The following CFAP299 variants were observed in gnomAD, a reference collection of about 807,000 sequenced individuals.
CFAP299 encodes cilia- and flagella-associated protein 299.
In CFAP299, 21 loss-of-function variants were observed where a neutral mutation model predicts 27.0. That is an observed-to-expected ratio of 0.78 (90% confidence interval 0.55 to 1.12). CFAP299 has a LOEUF of 1.12. CFAP299 is among the 50% of genes most tolerant of loss of function. CFAP299 has a pLI of 0.00. For synonymous variants in CFAP299, 104 were observed against 98.1 expected (o/e 1.06, Z -0.36); for missense variants, 310 against 276.6 (o/e 1.12, Z -0.86).
intron 2 of CFAP299, among the ~76,000 whole-genome samples, chr4:80,555,718 A>T (rs1389965177): frequency 6.6e-6 from 1 of 151,998 alleles, no homozygotes; most frequent in African/African-American, 2.4e-5. Flanking sequence ...TTCCTTGTTC[A>T]GTCTTGGGAG....
At chr4:80,918,702 T>C (rs138236744) in intron 4 of CFAP299, among the ~76,000 whole-genome samples, 7 of 152,158 alleles carry the variant, frequency 4.6e-5, no homozygotes, top group African/African-American at 1.7e-4. Context: ...CCAACTCTAA[T>C]GGTGAGAGGG....
intron 4 of CFAP299, among the ~76,000 whole-genome samples, chr4:80,880,587 G>A (rs931950703): frequency 2.6e-5 from 4 of 152,032 alleles, no homozygotes; most frequent in African/African-American, 7.2e-5. Flanking sequence ...TTAGCCAGAT[G>A]TGGTGGTGGG....
intron 4 of CFAP299, among the ~76,000 whole-genome samples, chr4:80,875,761 C>A (rs1172772159): frequency 6.6e-6 from 1 of 151,808 alleles, no homozygotes; most frequent in Non-Finnish European, 1.5e-5. Context: ...TAGATTAACA[C>A]AGACTTCACT....
At chr4:80,895,730 T>C (rs1033099382) in intron 4 of CFAP299, among the ~76,000 whole-genome samples, 1 of 152,024 alleles carries the variant, frequency 6.6e-6, no homozygotes, top group African/African-American at 2.4e-5. Context: ...ATCTAAAGAT[T>C]AAAATGAGCT....
intron 2 of CFAP299, among the ~76,000 whole-genome samples, chr4:80,580,015 T>C (rs529644458): frequency 1.3e-5 from 2 of 152,180 alleles, no homozygotes; most frequent in East Asian, 3.9e-4. Flanking sequence ...CTCTTAGGAA[T>C]TCTGTAGTAC....
rs2110167956 is a variant in CFAP299, at chr4:80,870,153, T to C, written c.476+18T>C. The C allele has an allele frequency of 6.3e-7, 1 of 1,588,786 alleles. No homozygotes were observed. The highest frequency in any genetic ancestry group is 8.6e-7 in the Non-Finnish European group (1 of 1,167,536). ...GATATAAGGTAAATTACATACAATT[T>C]TTGCACCCTTAGAGGCAGGGACAAA... On this transcript the variant is annotated intron_variant, in intron 4 of 5. Coordinates refer to ENST00000358105, the MANE Select transcript of CFAP299 (RefSeq NM_152770.3).
chr4:80,768,766 T>C (rs1426670717), intron 3 of CFAP299, among the ~76,000 whole-genome samples: 1 of 152,192 alleles, frequency 6.6e-6, no homozygotes, highest in Non-Finnish European at 1.5e-5. Context: ...AATAGGCGAT[T>C]GGCAAATTTG....
chr4:80,430,660 C>T (rs181355553), intron 2 of CFAP299, among the ~76,000 whole-genome samples: 141 of 152,214 alleles, frequency 9.3e-4, no homozygotes, highest in African/African-American at 3.2e-3. Context: ...CAGTTTACTC[C>T]ACTCCTCCTC....
At chr4:80,558,358 G>GTTTTT (rs1174909337) in intron 2 of CFAP299, among the ~76,000 whole-genome samples, 4 of 121,680 alleles carry the variant, frequency 3.3e-5, no homozygotes, top group African/African-American at 6.6e-5. Flanking sequence ...TTGTTTGTTT[G>GTTTTT]TTTGTTTGTT....
intron 3 of CFAP299, among the ~76,000 whole-genome samples, chr4:80,757,867 G>A (rs1380310453): frequency 6.6e-6 from 1 of 152,104 alleles, no homozygotes; most frequent in Admixed American, 6.5e-5. Flanking sequence ...GAGCCAGTAG[G>A]GAAAAACTCC....
At chr4:80,332,758 TGCAACTG>T (rs568514711), upstream of CFAP299, among the ~76,000 whole-genome samples, 18 of 152,282 alleles carry the variant, frequency 1.2e-4, 1 homozygote, top group East Asian at 3.5e-3. Context: ...GGCACCTGCT[TGCAACTG>T]GCAGCTCCAC....
intron 2 of CFAP299, among the ~76,000 whole-genome samples, chr4:80,488,287 A>G (rs1275159342): frequency 2.6e-5 from 4 of 152,218 alleles, no homozygotes; most frequent in African/African-American, 7.2e-5. Flanking sequence ...GAAATACACA[A>G]AGATTCCAAT....
chr4:80,649,011 G>T (rs949351599), intron 3 of CFAP299: 1 of 152,130 alleles, frequency 6.6e-6, no homozygotes, highest in Non-Finnish European at 1.5e-5. Flanking sequence ...TCACTAAGAA[G>T]ATAAGGGAGA....
chr4:80,585,386 C>T (rs989971557), intron 3 of CFAP299, among the ~76,000 whole-genome samples: 1 of 152,166 alleles, frequency 6.6e-6, no homozygotes, highest in African/African-American at 2.4e-5. Context: ...AACTCTACTC[C>T]AAAGTTTACC....
the CFAP299 span, among the ~76,000 whole-genome samples, chr4:80,325,363 A>G: frequency 2.8e-3 from 432 of 152,334 alleles, 1 homozygote; most frequent in African/African-American, 9.5e-3. Flanking sequence ...AATAGTATCT[A>G]TTTATAACAA....
chr4:80,528,674 G>A (rs1164638632), intron 2 of CFAP299, among the ~76,000 whole-genome samples: 3 of 152,086 alleles, frequency 2.0e-5, no homozygotes, highest in Non-Finnish European at 4.4e-5. Flanking sequence ...CATTGGGTGA[G>A]AAGAGACAAG....
chr4:80,825,525 G>C (rs374502925), intron 3 of CFAP299, among the ~76,000 whole-genome samples: 1 of 151,886 alleles, frequency 6.6e-6, no homozygotes, highest in Non-Finnish European at 1.5e-5. Context: ...ACATACAAGA[G>C]ATTTTCAGCA....
chr4:80,935,846 A>G (rs563429692), intron 4 of CFAP299, among the ~76,000 whole-genome samples: 77 of 152,252 alleles, frequency 5.1e-4, no homozygotes, highest in Middle Eastern at 3.4e-3. Flanking sequence ...ATTATCTAAA[A>G]GGAACTTAAA....
Position 80,902,463 on chromosome 4 carries a change from T to C in CFAP299, c.476+32328T>C, listed in dbSNP as rs1393414192. Among the ~76,000 whole-genome samples the C allele has an allele frequency of 5.8e-5, 7 of 120,326 alleles. No individual in the cohort carries two copies. The East Asian group carries it at 8.7e-4, about 15-fold the overall frequency. 78.9% of individuals were successfully genotyped at this position (120,326 alleles called of 152,430 possible). A position where few individuals can be genotyped will look rare whatever the true frequency, so the allele number is the denominator to read the frequency against. ...ATATATGGATATACATATATACATA[T>C]ATGTATATATGTATATATGTATATA... On this transcript the variant is annotated intron_variant, in intron 4 of 5. Transcript: ENST00000358105.
Sources: allele counts gnomAD v4.1 joint callset (sites outside exome capture counted in the v4.1 genomes callset), GRCh38; gene constraint gnomAD v4.1.1; transcripts MANE v1.5; gene names NCBI Gene and HGNC (gene_info 2026-07-23, HGNC 2026-07-21).